Variants in JMJD1C observed in about 807,000 individuals in gnomAD.
JMJD1C encodes the protein jumonji domain containing 1C, also known as jumonji domain-containing protein 1C.
A neutral mutation model predicts 245.3 loss-of-function variants in JMJD1C; 31 were observed. The ratio of observed to expected loss-of-function variants is 0.13; its 90% confidence interval spans 0.09 to 0.17. The LOEUF is 0.17. Among genes scored for constraint, JMJD1C ranks in the 10% least tolerant of loss-of-function variants. The pLI, the probability that JMJD1C is intolerant of heterozygous loss-of-function variation, is 1.00. For missense variants in JMJD1C, 2,691 were observed against 3,000.2 expected, an observed-to-expected ratio of 0.90 and a Z score of 2.41; for synonymous variants, 1,057 against 1,017.4, an observed-to-expected ratio of 1.04 and a Z score of -0.74.
At chr10:63,267,380 A>C (rs1855716276) in intron 2 of JMJD1C, among the ~76,000 whole-genome samples, 1 of 152,150 alleles carries the variant, frequency 6.6e-6, no homozygotes, top group Non-Finnish European at 1.5e-5. Context: ...AGTACATTTC[A>C]AAGGAACATT....
In JMJD1C at chr10:63,422,941, G is replaced by A. The variant is rs867263316; in HGVS notation, c.169-42459C>T. Among the ~76,000 whole-genome samples the A allele has an allele frequency of 1.3e-4, 20 of 150,958 alleles. No individual in the cohort carries two copies. The Middle Eastern group carries it at 0.014, about 103-fold the overall frequency. ...TAACTTCACACCCTATGCAACTGTC[G>A]CCACTGTTACCAAAACTTTTTTTTT... On this transcript the variant is annotated intron_variant, in intron 1 of 25. Transcript: ENST00000399262.
At chr10:63,388,946 T>C (rs565859154) in intron 1 of JMJD1C, among the ~76,000 whole-genome samples, 21 of 152,096 alleles carry the variant, frequency 1.4e-4, no homozygotes, top group Middle Eastern at 3.4e-3. Context: ...ATAAAAGAGA[T>C]TGATTCATCA....
intron 1 of JMJD1C, among the ~76,000 whole-genome samples, chr10:63,497,979 A>C (rs1237748385): frequency 1.3e-5 from 2 of 152,218 alleles, no homozygotes; most frequent in African/African-American, 4.8e-5. Flanking sequence ...TTAAATGTCA[A>C]AGCAACCAAT....
intron 3 of JMJD1C, among the ~76,000 whole-genome samples, chr10:63,241,447 A>C (rs1371238231): frequency 6.6e-6 from 1 of 152,204 alleles, no homozygotes; most frequent in Non-Finnish European, 1.5e-5. Context: ...ATAGGTTTAA[A>C]ATTATTTATA....
intron 3 of JMJD1C, among the ~76,000 whole-genome samples, chr10:63,248,545 A>G (rs1206629961): frequency 5.3e-5 from 8 of 150,998 alleles, no homozygotes; most frequent in Admixed American, 2.0e-4. Context: ...TAAATAAATA[A>G]ATAAATAAAT....
At chr10:63,458,688 T>TG (rs1206155588) in intron 1 of JMJD1C, among the ~76,000 whole-genome samples, 1 of 150,936 alleles carries the variant, frequency 6.6e-6, no homozygotes, top group Non-Finnish European at 1.5e-5. Context: ...AAAAGTTTAT[T>TG]GGATTTTTAT....
At chr10:63,517,185 C>A (rs7082076) in intron 1 of JMJD1C, among the ~76,000 whole-genome samples, 9 of 151,964 alleles carry the variant, frequency 5.9e-5, no homozygotes, top group Non-Finnish European at 1.2e-4. Flanking sequence ...ATAATTACAG[C>A]GATCAGACAT....
intron 2 of JMJD1C, among the ~76,000 whole-genome samples, chr10:63,302,590 C>T (rs1860234327): frequency 6.6e-6 from 1 of 152,196 alleles, no homozygotes; most frequent in South Asian, 2.1e-4. Context: ...TTTACAACAT[C>T]TTGGAACTAT....
chr10:63,177,181 C>T (rs539993639), intron 23 of JMJD1C: 1 of 153,428 alleles, frequency 6.5e-6, no homozygotes, highest in South Asian at 2.1e-4. Flanking sequence ...AGGGTTTCAA[C>T]CAATTATTTC....
intron 2 of JMJD1C, among the ~76,000 whole-genome samples, chr10:63,326,749 G>C (rs754990089): frequency 1.3e-5 from 2 of 152,110 alleles, no homozygotes; most frequent in Admixed American, 6.6e-5. Context: ...CGTGGTGGTG[G>C]GTGCCTATAA....
At chr10:63,328,851 A>C (rs1941822418) in intron 2 of JMJD1C, among the ~76,000 whole-genome samples, 1 of 152,234 alleles carries the variant, frequency 6.6e-6, no homozygotes, top group Non-Finnish European at 1.5e-5. Context: ...TATTCTAGTT[A>C]CTTTTATTAG....
chr10:63,452,589 C>T (rs1030829304), intron 1 of JMJD1C, among the ~76,000 whole-genome samples: 1 of 152,128 alleles, frequency 6.6e-6, no homozygotes, highest in South Asian at 2.1e-4. Flanking sequence ...GTACATACCC[C>T]AAGGAAGTAA....
At position 63,479,001 on chromosome 10, in the gene JMJD1C, T is replaced by G. The variant is rs1019891741; in HGVS notation, n.113+42737A>C. On this transcript the variant is annotated intron_variant and non_coding_transcript_variant, in intron 1 of 3. Coordinates refer to the JMJD1C transcript ENST00000633035. ...AACAAAAACCACTAATAAAGAAAACTTTTTGGTCTTAATATAAGCAAGAAT... is the reference window on the plus strand; with the variant it reads ...AACAAAAACCACTAATAAAGAAAACGTTTTGGTCTTAATATAAGCAAGAAT... Among the ~76,000 whole-genome samples, 5 of 152,128 alleles carry G rather than the reference T, an allele frequency of 3.3e-5. No homozygotes were observed. The South Asian group carries it at 1.0e-3, about 31-fold the overall frequency.
At chr10:63,415,437 C>A (rs944732551) in intron 1 of JMJD1C, among the ~76,000 whole-genome samples, 1 of 152,098 alleles carries the variant, frequency 6.6e-6, no homozygotes, top group Non-Finnish European at 1.5e-5. Context: ...GAAACTAGTT[C>A]TCACTTGTAA....
intron 3 of JMJD1C, among the ~76,000 whole-genome samples, chr10:63,253,529 G>A (rs1421550365): frequency 4.0e-5 from 6 of 151,838 alleles, no homozygotes; most frequent in African/African-American, 9.7e-5. Context: ...GAATACAGGC[G>A]CCCGCCACCA....
chr10:63,418,068 G>T (rs981954977), intron 1 of JMJD1C, among the ~76,000 whole-genome samples: 7 of 152,018 alleles, frequency 4.6e-5, no homozygotes, highest in Non-Finnish European at 1.0e-4. Flanking sequence ...AGCTTTTAAG[G>T]GGCCTAAATC....
intron 13 of JMJD1C, among the ~76,000 whole-genome samples, chr10:63,196,405 T>C (rs542738074): frequency 4.6e-5 from 7 of 152,256 alleles, no homozygotes; most frequent in Non-Finnish European, 1.0e-4. Flanking sequence ...AAAATACATG[T>C]ATTGTGGTTT....
intron 3 of JMJD1C, among the ~76,000 whole-genome samples, chr10:63,233,306 C>A (rs1464122346): frequency 6.6e-6 from 1 of 152,144 alleles, no homozygotes. Context: ...ACCTGATTTA[C>A]TTCTTAAGCA....
intron 2 of JMJD1C, among the ~76,000 whole-genome samples, chr10:63,304,334 C>G (rs567263526): frequency 6.6e-6 from 1 of 152,220 alleles, no homozygotes; most frequent in East Asian, 1.9e-4. Context: ...GCTGTCTCTA[C>G]TTTTCAGACA....
Sources: allele counts gnomAD v4.1 joint callset (sites outside exome capture counted in the v4.1 genomes callset), GRCh38; gene constraint gnomAD v4.1.1; transcripts MANE v1.5; gene names NCBI Gene and HGNC (gene_info 2026-07-23, HGNC 2026-07-21).